Variants in SATB2 observed in about 807,000 individuals in gnomAD.
SATB2 encodes the protein SATB homeobox 2.
Under a neutral mutation model 73.4 loss-of-function variants are expected in SATB2, and 1 was observed. The ratio of observed to expected loss-of-function variants is 0.01; its 90% CI spans 0.00 to 0.06. The LOEUF is 0.06. Ranked by LOEUF, SATB2 falls within the 10% of genes least tolerant of loss-of-function variation. SATB2 has a pLI of 1.00. For missense variants in SATB2, 459 were observed against 945.8 expected, an observed-to-expected ratio of 0.49 and a Z score of 6.75; for synonymous variants, 397 against 367.0, an observed-to-expected ratio of 1.08 and a Z score of -0.93.
chr2:199,425,768 G>C (rs941330600), intron 3 of SATB2, among the ~76,000 whole-genome samples: 13 of 152,070 alleles, frequency 8.5e-5, no homozygotes, highest in African/African-American at 3.1e-4. Flanking sequence ...TATTATATTA[G>C]ATATTCAATC....
intron 2 of SATB2, among the ~76,000 whole-genome samples, chr2:199,442,871 T>G (rs1227850876): frequency 6.6e-6 from 1 of 152,172 alleles, no homozygotes; most frequent in African/African-American, 2.4e-5. Context: ...AAGCCTAAAT[T>G]CTTCAGGTTC....
chr2:199,280,839 G>A (rs1692467103), intron 10 of SATB2, among the ~76,000 whole-genome samples: 1 of 152,108 alleles, frequency 6.6e-6, no homozygotes. Context: ...ATCTCGCCCT[G>A]CCTCCATTTA....
At chr2:199,399,781 T>TCA (rs1372609956) in intron 3 of SATB2, among the ~76,000 whole-genome samples, 1 of 152,114 alleles carries the variant, frequency 6.6e-6, no homozygotes, top group Non-Finnish European at 1.5e-5. Flanking sequence ...ACTCACTCAC[T>TCA]CACTCACTAT....
chr2:199,327,101 A>G (rs770051516), intron 8 of SATB2, among the ~76,000 whole-genome samples: 1 of 152,212 alleles, frequency 6.6e-6, no homozygotes, highest in Non-Finnish European at 1.5e-5. Flanking sequence ...TCTAAGCAAA[A>G]CAACCTTTGG....
intron 3 of SATB2, among the ~76,000 whole-genome samples, chr2:199,389,960 A>C (rs1357912157): frequency 6.6e-6 from 1 of 152,084 alleles, no homozygotes; most frequent in African/African-American, 2.4e-5. Context: ...ATTTTGCGGC[A>C]TAAAGATTTT....
At chr2:199,380,699 T>C (rs1330331747) in intron 4 of SATB2, among the ~76,000 whole-genome samples, 13 of 152,128 alleles carry the variant, frequency 8.5e-5, no homozygotes, top group Admixed American at 8.5e-4. Flanking sequence ...ATCCCACTCA[T>C]CCAAGAAAAA....
upstream of SATB2, chr2:199,458,402 GACGAGGACCTCATGC>G: frequency 2.8e-6 from 1 of 360,434 alleles, no homozygotes; most frequent in Non-Finnish European, 5.5e-6. Context: ...GGAGCGGGGT[GACGAGGACCTCATGC>G]ACGAGGCGGC....
chr2:199,467,387 C>A (rs1692615252), upstream of SATB2: 1 of 152,316 alleles, frequency 6.6e-6, no homozygotes, highest in African/African-American at 2.4e-5. Flanking sequence ...TTTTATCCAA[C>A]AGCCTCCCCT....
chr2:199,328,632 A>C, intron 8 of SATB2, 66 bp downstream of exon 8: 1 of 1,178,470 alleles, frequency 8.5e-7, no homozygotes. Flanking sequence ...GGGAAAACAC[A>C]GTAACTAGTG....
At chr2:199,458,487 G>T (rs1430490377), upstream of SATB2, 2 of 388,700 alleles carry the variant, frequency 5.1e-6, no homozygotes, top group Non-Finnish European at 1.0e-5. Flanking sequence ...CCAGCGGGTG[G>T]GTGCGTCTGG....
chr2:199,338,515 T>C (rs1023834404), intron 7 of SATB2, among the ~76,000 whole-genome samples: 2 of 152,206 alleles, frequency 1.3e-5, no homozygotes, highest in Non-Finnish European at 2.9e-5. Flanking sequence ...AACAAGCTTA[T>C]AAAACTTACC....
In SATB2 at chr2:199,377,530, T is replaced by C. The variant is rs568239977; in HGVS notation, c.597+2834A>G. Among the ~76,000 whole-genome samples, 6 of 152,324 alleles carry C rather than the reference T, an allele frequency of 3.9e-5. No individual in the cohort carries two copies. The East Asian group carries it at 9.7e-4, about 25-fold the overall frequency. ...GTTGCTCCCACTCTCAAGAGATATT[T>C]TGAGCAATGGTAAACATTTCAAAAT... On this transcript the variant is annotated intron_variant, in intron 5 of 10. Transcript: ENST00000417098.
chr2:199,464,161 A>AGT lies in SATB2; in HGVS notation c.-141+673_-141+674dup, dbSNP rs1429215524. ...CACGAATCCCCTCGGACACCGTTTCAGTCCGTCAAGACCTTGGCCTCCGGG... is the reference window on the plus strand; with the variant it reads ...CACGAATCCCCTCGGACACCGTTTCAGTGTCCGTCAAGACCTTGGCCTCCGGG... On this transcript the variant is annotated intron_variant, in intron 1 of 11. Transcript: ENST00000260926. This position sits in a 1 kb window ranked among gnomAD's most constrained non-coding sequence, Gnocchi z 6.6. Among the ~76,000 whole-genome samples, 1 of 152,272 alleles carries AGT rather than the reference A, an allele frequency of 6.6e-6. No homozygotes were observed. The highest frequency in any genetic ancestry group is 2.4e-5 in the African/African-American group (1 of 41,564).
At chr2:199,397,950 T>C (rs553120792) in intron 3 of SATB2, 145 of 219,894 alleles carry the variant, frequency 6.6e-4, no homozygotes, top group African/African-American at 3.3e-3. Flanking sequence ...ATGTTACAAG[T>C]GAAATGGTTC....
Position 199,463,125 on chromosome 2 carries a change from G to A in SATB2, c.-141+1711C>T, listed in dbSNP as rs1345551568. Among the ~76,000 whole-genome samples the A allele has an allele frequency of 6.6e-6, 1 of 152,164 alleles. No homozygotes were observed. The highest frequency in any genetic ancestry group is 6.5e-5 in the Admixed American group (1 of 15,286). On this transcript the variant is annotated intron_variant, in intron 1 of 11. Coordinates refer to the SATB2 transcript ENST00000260926. This position sits in a 1 kb window ranked among gnomAD's most constrained non-coding sequence, Gnocchi z 6.4. ...GGGACCGGGGAAGACGGAGGGTCCT[G>A]CGGCCTGGAGCACCACCCTACCACA...
At chr2:199,409,856 AG>A (rs1020438838) in intron 3 of SATB2, among the ~76,000 whole-genome samples, 4 of 152,188 alleles carry the variant, frequency 2.6e-5, no homozygotes, top group African/African-American at 7.2e-5. Context: ...TAACTTGAAA[AG>A]AGTTTCCAGC....
intron 9 of SATB2, among the ~76,000 whole-genome samples, chr2:199,316,519 CTG>C (rs1245309290): frequency 2.0e-5 from 3 of 152,036 alleles, no homozygotes; most frequent in African/African-American, 7.3e-5. Flanking sequence ...AAATTCTAAA[CTG>C]TATTTTTACA....
At chr2:199,435,166 T>G (rs879805441) in intron 2 of SATB2, among the ~76,000 whole-genome samples, 3 of 151,510 alleles carry the variant, frequency 2.0e-5, no homozygotes, top group Non-Finnish European at 2.9e-5. Flanking sequence ...TTTAAAAATA[T>G]AAGATACGAG....
At chr2:199,329,604 A>T (rs1223840632) in intron 7 of SATB2, among the ~76,000 whole-genome samples, 2 of 152,106 alleles carry the variant, frequency 1.3e-5, no homozygotes, top group African/African-American at 4.8e-5. Flanking sequence ...ATGAAAATGA[A>T]GTCACCTCTG....
Sources: allele counts gnomAD v4.1 joint callset (sites outside exome capture counted in the v4.1 genomes callset), GRCh38; gene constraint gnomAD v4.1.1; non-coding constraint Gnocchi (gnomAD v3.1); transcripts MANE v1.5; gene names NCBI Gene and HGNC (gene_info 2026-07-23, HGNC 2026-07-21).